The following AIF1L variants were observed in gnomAD, a reference collection of about 807,000 sequenced individuals.
AIF1L encodes the protein allograft inflammatory factor 1-like.
AIF1L carries 12 observed loss-of-function variants against 20.7 expected under a neutral mutation model. The ratio of observed to expected loss-of-function variants is 0.58; its 90% CI spans 0.37 to 0.94. AIF1L has a LOEUF of 0.94. Ranked by LOEUF, AIF1L falls within the 40% of genes least tolerant of loss-of-function variation. AIF1L has a pLI of 0.01. For synonymous variants in AIF1L, 76 were observed against 65.1 expected (o/e 1.17, Z -0.81); for missense variants, 173 against 185.3 (o/e 0.93, Z 0.39).
intron 2 of AIF1L, among the ~76,000 whole-genome samples, chr9:131,107,376 C>A (rs777397009): frequency 1.3e-5 from 2 of 152,130 alleles, no homozygotes; most frequent in Admixed American, 1.3e-4. Flanking sequence ...ACAGAGTGGC[C>A]CAAGTAAAAC....
At chr9:131,105,937 G>A (rs577004505) in intron 2 of AIF1L, among the ~76,000 whole-genome samples, 1 of 151,538 alleles carries the variant, frequency 6.6e-6, no homozygotes, top group South Asian at 2.1e-4. Flanking sequence ...TCCAGCCTCA[G>A]CCTCCCAAGT....
At chr9:131,106,216 A>G (rs1830743774) in intron 2 of AIF1L, 5 of 1,535,874 alleles carry the variant, frequency 3.3e-6, no homozygotes, top group Middle Eastern at 1.7e-4. Flanking sequence ...CCGCAGCTAC[A>G]GAGGATTTCA....
intron 2 of AIF1L, among the ~76,000 whole-genome samples, chr9:131,099,918 G>T (rs1362917833): frequency 6.6e-6 from 1 of 151,956 alleles, no homozygotes; most frequent in Admixed American, 6.6e-5. Flanking sequence ...GTAGAGACAG[G>T]GTTTCACCGT....
rs1830744688 is a variant in AIF1L at position 131,106,248 on chromosome 9, C to T, written c.94-5349C>T. The T allele has an allele frequency of 3.9e-6, 6 of 1,534,526 alleles. No homozygotes were observed. The East Asian group carries it at 1.2e-4, about 31-fold the overall frequency. On this transcript the variant is annotated intron_variant, in intron 2 of 5. Coordinates refer to ENST00000247291, the MANE Select transcript of AIF1L (RefSeq NM_031426.4). ...TTCATGTTCCCAGCACAGCTGCTTGCTGGCTCTGCTGTTTCAGGCAAGTTA... is the reference window on the plus strand; with the variant it reads ...TTCATGTTCCCAGCACAGCTGCTTGTTGGCTCTGCTGTTTCAGGCAAGTTA...
rs353510 is a variant in AIF1L, at chr9:131,121,116, T to A, written c.*794T>A. 0.72 allele frequency: 514,508 copies of A among 713,086 alleles called. 188,132 individuals are homozygous for A. Among genetic ancestry groups the A allele is most frequent in the Admixed American group, 0.79 (39,093 of 49,544 alleles). The allele number at this position is 713,086 out of a possible 1,614,324, so 44.2% of individuals were successfully genotyped here. A position where few individuals can be genotyped will look rare whatever the true frequency, so the allele number is the denominator to read the frequency against. On this transcript the variant is annotated 3_prime_UTR_variant, in exon 6 of 6. Transcript: ENST00000247291. ...AGTGCTGTTCCACCTTTTAGGGAGG[T>A]TACTGAGGGGACCAGGATGGGAGAA... is the stretch of plus-strand genomic sequence containing the variant.
chr9:131,115,849 C>T (rs1365215367), intron 4 of AIF1L, among the ~76,000 whole-genome samples: 2 of 151,832 alleles, frequency 1.3e-5, no homozygotes, highest in Non-Finnish European at 2.9e-5. Flanking sequence ...TGGCAGATGC[C>T]TGTAATCCCA....
At chr9:131,097,503 C>G (rs543244048) in intron 2 of AIF1L, among the ~76,000 whole-genome samples, 16 of 152,376 alleles carry the variant, frequency 1.1e-4, no homozygotes, top group Non-Finnish European at 1.9e-4. Flanking sequence ...CACCACTCCT[C>G]TTCACTCCAA....
intron 2 of AIF1L, 185 bp from the exon 3 acceptor site, chr9:131,111,412 C>T: frequency 1.6e-6 from 1 of 618,738 alleles, no homozygotes; most frequent in Non-Finnish European, 2.9e-6. Flanking sequence ...AAACTTCCTA[C>T]CCACAGGGTG....
intron 3 of AIF1L, chr9:131,111,893 C>G (rs560500731): frequency 5.4e-6 from 3 of 555,736 alleles, no homozygotes; most frequent in Admixed American, 6.4e-5. Context: ...GCCTGCAGCC[C>G]GGTCCTGGCC....
Position 131,121,267 on chromosome 9 carries a change from C to A in AIF1L, c.*945C>A. ...CTGCTTCTCTCATTTGTCTTCCTAC[C>A]CTACTCACATAATTCACTCATTGAC... On this transcript the variant is annotated 3_prime_UTR_variant, in exon 6 of 6. Coordinates refer to ENST00000247291, the MANE Select transcript of AIF1L (RefSeq NM_031426.4). 1.7e-6 allele frequency: 1 copy of A among 603,402 alleles called. No individual in the cohort carries two copies. Among genetic ancestry groups the A allele is most frequent in the South Asian group, 2.2e-5 (1 of 45,976 alleles). 37.4% of individuals were successfully genotyped at this position (603,402 alleles called of 1,614,324 possible). A position where few individuals can be genotyped will look rare whatever the true frequency, so the allele number is the denominator to read the frequency against.
intron 3 of AIF1L, among the ~76,000 whole-genome samples, chr9:131,112,952 C>G (rs893220806): frequency 6.6e-6 from 1 of 152,158 alleles, no homozygotes; most frequent in African/African-American, 2.4e-5. Flanking sequence ...TTACATCATT[C>G]ACTCATTTGT....
chr9:131,117,742 T>C lies in AIF1L; in HGVS notation c.203-14T>C, dbSNP rs757889461. ...GCCCATCTCCACTTAACAGATCTGC[T>C]TTTCCCCCGGCAGACCTGATGTCTT... On this transcript the variant is annotated splice_polypyrimidine_tract_variant and intron_variant, in intron 4 of 5. Coordinates refer to ENST00000247291, the MANE Select transcript of AIF1L (RefSeq NM_031426.4). 1.1e-5 allele frequency: 18 copies of C among 1,597,510 alleles called. No homozygotes were observed. The Middle Eastern group carries it at 5.8e-4, about 51-fold the overall frequency.
Position 131,096,847 on chromosome 9 carries a change from T to C in AIF1L, c.77T>C (p.Leu26Pro). 1.3e-6 allele frequency: 2 copies of C among 1,537,874 alleles called. No homozygotes were observed. Among genetic ancestry groups the C allele is most frequent in the East Asian group, 5.1e-5 (2 of 39,124 alleles). Residue 26 changes from leucine to proline, a missense_variant, in exon 2 of 6, where the codon CTG becomes CCG. Transcript: ENST00000247291. ...CTCAAAGCCCGGCAGGAGAGGAGGCTGGCCGAGATCAACCGGGTAAGCCCC... is the reference window on the plus strand; with the variant it reads ...CTCAAAGCCCGGCAGGAGAGGAGGCCGGCCGAGATCAACCGGGTAAGCCCC... ...GLLKARQERR[L>P]AEINREFLCD...
In AIF1L at chr9:131,096,570, T is replaced by C. The variant is rs1163939706; in HGVS notation, c.-60T>C. 1.4e-6 allele frequency: 2 copies of C among 1,479,554 alleles called. No homozygotes were observed. The highest frequency in any genetic ancestry group is 2.9e-5 in the East Asian group (1 of 34,036). 91.7% of individuals were successfully genotyped at this position (1,479,554 alleles called of 1,614,324 possible). A position where few individuals can be genotyped will look rare whatever the true frequency, so the allele number is the denominator to read the frequency against. Reference sequence around the variant, plus strand: ...GGAGCCCGGACCAGGCGCCTGTGCCTCCTCCTCGTCCCTCGCCGCGTCCGC... The same window carrying C: ...GGAGCCCGGACCAGGCGCCTGTGCCCCCTCCTCGTCCCTCGCCGCGTCCGC... On this transcript the variant is annotated 5_prime_UTR_variant, in exon 1 of 6. Transcript: ENST00000247291.
chr9:131,111,951 C>G, intron 3 of AIF1L: 1 of 456,390 alleles, frequency 2.2e-6, no homozygotes, highest in Non-Finnish European at 4.0e-6. Flanking sequence ...GGCTGGTTCC[C>G]GTCCGCCGCT....
At chr9:131,102,105 G>A (rs576358440) in intron 2 of AIF1L, among the ~76,000 whole-genome samples, 1 of 152,188 alleles carries the variant, frequency 6.6e-6, no homozygotes, top group African/African-American at 2.4e-5. Context: ...TAGAGACAGG[G>A]TTTCACCATG....
Position 131,121,077 on chromosome 9 carries a change from G to A in AIF1L, c.*755G>A, listed in dbSNP as rs1312013331. On this transcript the variant is annotated 3_prime_UTR_variant, in exon 6 of 6. Coordinates refer to ENST00000247291, the MANE Select transcript of AIF1L (RefSeq NM_031426.4). ...CAGAAGTGAGGCCTGGGGTTTTGGGGGAAAGGTCAGCTCAGTGCTGTTCCA... is the reference window on the plus strand; with the variant it reads ...CAGAAGTGAGGCCTGGGGTTTTGGGAGAAAGGTCAGCTCAGTGCTGTTCCA... 2.8e-6 allele frequency: 2 copies of A among 711,910 alleles called. No individual in the cohort carries two copies. The highest frequency in any genetic ancestry group is 2.0e-5 in the Admixed American group (1 of 49,416). 44.1% of individuals were successfully genotyped at this position (711,910 alleles called of 1,614,324 possible).
intron 3 of AIF1L, chr9:131,114,336 G>T (rs958707682): frequency 9.9e-6 from 5 of 506,186 alleles, no homozygotes; most frequent in Admixed American, 6.3e-5. Flanking sequence ...AAGAGGGTCA[G>T]AGTGGCCCCC....
intron 2 of AIF1L, chr9:131,102,919 T>C (rs1276350419): frequency 2.2e-6 from 1 of 456,192 alleles, no homozygotes; most frequent in Non-Finnish European, 4.4e-6. Flanking sequence ...ACCCCAAAAT[T>C]CTGCTGCAGC....
Sources: allele counts gnomAD v4.1 joint callset (sites outside exome capture counted in the v4.1 genomes callset), GRCh38; gene constraint gnomAD v4.1.1; transcripts MANE v1.5; gene names NCBI Gene and HGNC (gene_info 2026-07-23, HGNC 2026-07-21).